Variants in PIWIL2 observed in about 807,000 individuals in gnomAD.
PIWIL2 encodes piwi like RNA-mediated gene silencing 2.
Under a neutral mutation model 116.5 loss-of-function variants are expected in PIWIL2, and 81 were observed. The observed-to-expected ratio is 0.70, with a 90% CI of 0.58 to 0.84. The LOEUF is 0.84. Among genes scored for constraint, PIWIL2 ranks in the 40% least tolerant of loss-of-function variants. The pLI, the probability that PIWIL2 is intolerant of heterozygous loss-of-function variation, is 0.00. For synonymous variants in PIWIL2, 489 were observed against 429.5 expected (o/e 1.14, Z -1.71); for missense variants, 1,272 against 1,212.3 (o/e 1.05, Z -0.73).
chr8:22,322,024 T>C, intron 20 of PIWIL2: 1 of 979,724 alleles, frequency 1.0e-6, no homozygotes, highest in Non-Finnish European at 1.2e-6. Context: ...TGTTTTGGTT[T>C]TTTTTTTTGT....
At chr8:22,318,300 C>T in intron 20 of PIWIL2, 25 bp downstream of exon 20, 1 of 1,276,682 alleles carries the variant, frequency 7.8e-7, no homozygotes, top group Non-Finnish European at 1.1e-6. Flanking sequence ...AATTCTCAGG[C>T]TTCTGGGGTT....
chr8:22,326,191 C>T (rs1006535430), intron 20 of PIWIL2, among the ~76,000 whole-genome samples: 2 of 151,198 alleles, frequency 1.3e-5, no homozygotes, highest in South Asian at 4.2e-4. Flanking sequence ...TGGCCATCAA[C>T]ATGTCCTGCT....
At chr8:22,287,422 G>A (rs901375335) in intron 6 of PIWIL2, 106 bp from the exon 7 acceptor site, 6 of 770,614 alleles carry the variant, frequency 7.8e-6, no homozygotes, top group African/African-American at 3.4e-5. Flanking sequence ...TAATATGCCC[G>A]CTAGATGGAG....
chr8:22,322,671 C>T (rs926554131), intron 20 of PIWIL2, among the ~76,000 whole-genome samples: 2 of 151,056 alleles, frequency 1.3e-5, no homozygotes, highest in Admixed American at 6.6e-5. Flanking sequence ...CTTTTTTGTC[C>T]TGTCCTTTAC....
intron 20 of PIWIL2, among the ~76,000 whole-genome samples, chr8:22,325,649 A>G (rs1013734559): frequency 6.6e-6 from 1 of 151,710 alleles, no homozygotes; most frequent in Admixed American, 6.6e-5. Flanking sequence ...ACACCCAGCT[A>G]ATTTTTGTAT....
Position 22,283,226 on chromosome 8 carries a change from G to C in PIWIL2, c.618G>C (p.Val206=). The C allele has an allele frequency of 6.2e-7, 1 of 1,613,364 alleles. No individual in the cohort carries two copies. The highest frequency in any genetic ancestry group is 1.1e-5 in the South Asian group (1 of 91,054). Residue 206 remains valine (V), a synonymous_variant, in exon 5 of 23, where the codon GTG becomes GTC. Coordinates refer to ENST00000356766, the MANE Select transcript of PIWIL2 (RefSeq NM_018068.5). ...HSPDRPLVLT[V]EHKEKELIVK... ...CAGATCGCCCTCTGGTCCTGACTGTGGAACACAAGGAAAAGTAAGTCAGGA... is the reference window on the plus strand; with the variant it reads ...CAGATCGCCCTCTGGTCCTGACTGTCGAACACAAGGAAAAGTAAGTCAGGA...
chr8:22,343,932 C>A (rs1187950436), intron 20 of PIWIL2, among the ~76,000 whole-genome samples: 1 of 152,212 alleles, frequency 6.6e-6, no homozygotes, highest in East Asian at 1.9e-4. Context: ...CAAAAACTTG[C>A]ACGTGAATGT....
chr8:22,316,730 C>G (rs887151837), intron 19 of PIWIL2, among the ~76,000 whole-genome samples: 1 of 152,082 alleles, frequency 6.6e-6, no homozygotes, highest in Non-Finnish European at 1.5e-5. Context: ...GATCCGCCCA[C>G]CTCAGCCTCC....
rs746712612 is a variant in PIWIL2 at position 22,314,438 on chromosome 8, G to A, written c.2091+9G>A. On this transcript the variant is annotated intron_variant, in intron 17 of 22. Transcript: ENST00000356766. ...CCCCAGTGCCCTCCCAGGTGAGTGG[G>A]TGTTGGGGCAGGAGGCGCAGATGGC... 4.6e-6 allele frequency: 7 copies of A among 1,506,886 alleles called. No homozygotes were observed. The highest frequency in any genetic ancestry group is 6.3e-6 in the Non-Finnish European group (7 of 1,110,398). 93.3% of individuals were successfully genotyped at this position (1,506,886 alleles called of 1,614,324 possible). A position where few individuals can be genotyped will look rare whatever the true frequency, so the allele number is the denominator to read the frequency against.
rs199573886 is a variant in PIWIL2, at chr8:22,287,542, G to T, written c.758G>T (p.Cys253Phe). The change falls in exon 7 of 23, where the codon TGC (cysteine) becomes TTC (phenylalanine). Residue 253 changes from cysteine (C) to phenylalanine (F), a missense_variant. Coordinates refer to ENST00000356766, the MANE Select transcript of PIWIL2 (RefSeq NM_018068.5). ...YHVTFSPNVECKSMRFGMLKD... is the reference protein window; with the variant it reads ...YHVTFSPNVEFKSMRFGMLKD... ...TTATTTTCCAGCCCCAATGTGGAGTGCAAAAGCATGAGGTTCGGCATGTTG... is the reference window on the plus strand; with the variant it reads ...TTATTTTCCAGCCCCAATGTGGAGTTCAAAAGCATGAGGTTCGGCATGTTG... 22 of 1,611,748 alleles carry T rather than the reference G, an allele frequency of 1.4e-5. No individual in the cohort carries two copies. The East Asian group carries it at 4.0e-4, about 29-fold the overall frequency.
At chr8:22,328,471 A>C (rs1193932829) in intron 20 of PIWIL2, among the ~76,000 whole-genome samples, 1 of 152,198 alleles carries the variant, frequency 6.6e-6, no homozygotes, top group Non-Finnish European at 1.5e-5. Flanking sequence ...CTGCAAAAAA[A>C]GGCCATTGAA....
chr8:22,312,235 A>G (rs935175207), intron 16 of PIWIL2, among the ~76,000 whole-genome samples: 2 of 150,882 alleles, frequency 1.3e-5, no homozygotes, highest in African/African-American at 4.9e-5. Flanking sequence ...ACTTTACTCC[A>G]ACCTGGGCAA....
chr8:22,287,921 AG>A (rs1180276516), intron 7 of PIWIL2, among the ~76,000 whole-genome samples: 3 of 152,176 alleles, frequency 2.0e-5, no homozygotes, highest in African/African-American at 7.2e-5. Flanking sequence ...AGCACATTTT[AG>A]GTTTGAATTC....
chr8:22,276,959 T>A (rs1207040085), intron 1 of PIWIL2, among the ~76,000 whole-genome samples: 1 of 151,786 alleles, frequency 6.6e-6, no homozygotes, highest in African/African-American at 2.4e-5. Flanking sequence ...CAGGGGCAAG[T>A]CAGGACAATG....
chr8:22,289,941 T>C lies in PIWIL2; in HGVS notation c.1067+14T>C. 2 of 1,546,318 alleles carry C rather than the reference T, an allele frequency of 1.3e-6. No homozygotes were observed. Among genetic ancestry groups the C allele is most frequent in the South Asian group, 1.1e-5 (1 of 89,270 alleles). On this transcript the variant is annotated intron_variant, in intron 9 of 22. Coordinates refer to ENST00000356766, the MANE Select transcript of PIWIL2 (RefSeq NM_018068.5). ...ACAGCAACACAGGTTGGTACTTTTT[T>C]CCCTTCCCTCACTTTTGAATGTTCT...
intron 20 of PIWIL2, among the ~76,000 whole-genome samples, chr8:22,348,027 T>C (rs942768482): frequency 3.9e-5 from 6 of 152,124 alleles, no homozygotes; most frequent in African/African-American, 7.2e-5. Context: ...CTGAGCACAG[T>C]GGCCCACGCC....
chr8:22,296,020 CTTTTTTTTTTTTT>C (rs67357452), intron 10 of PIWIL2, among the ~76,000 whole-genome samples: 82 of 102,822 alleles, frequency 8.0e-4, no homozygotes, highest in African/African-American at 2.5e-3. Flanking sequence ...CTCTTCCCTT[CTTTTTTTTTTTTT>C]TTTTTTTTTT....
intron 21 of PIWIL2, 124 bp downstream of exon 21, chr8:22,353,336 T>A: frequency 1.2e-6 from 1 of 856,394 alleles, no homozygotes. Context: ...AGGCTACCGT[T>A]AAAAGAATGA....
chr8:22,317,754 G>C (rs2132056491), intron 19 of PIWIL2, among the ~76,000 whole-genome samples: 1 of 152,104 alleles, frequency 6.6e-6, no homozygotes, highest in Admixed American at 6.5e-5. Context: ...CCGCCTCCCA[G>C]GTTCACGCCA....
Sources: gnomAD v4.1 joint callset for allele counts (sites outside exome capture counted in the v4.1 genomes callset) on GRCh38, gnomAD v4.1.1 for gene constraint, MANE v1.5 for transcripts, NCBI Gene and HGNC (gene_info 2026-07-23, HGNC 2026-07-21) for gene names.